MYH10: variants seen among roughly 807,000 people sequenced by gnomAD.
The protein encoded by MYH10 is myosin heavy chain 10, also known as myosin-10.
In MYH10, 55 loss-of-function variants were observed where a neutral mutation model predicts 257.8. That is an observed-to-expected ratio of 0.21 (90% CI 0.17 to 0.27). The LOEUF is 0.27. Among genes scored for constraint, MYH10 ranks in the 10% least tolerant of loss-of-function variants. MYH10 has a pLI of 1.00. For synonymous variants in MYH10, 854 were observed against 921.7 expected (o/e 0.93, Z 1.33); for missense variants, 1,631 against 2,500.6 (o/e 0.65, Z 7.42).
intron 36 of MYH10, among the ~76,000 whole-genome samples, chr17:8,486,309 G>C (rs1914761820): frequency 6.6e-6 from 1 of 152,050 alleles, no homozygotes; most frequent in South Asian, 2.1e-4. Flanking sequence ...CACTAAACTG[G>C]CGAATTGTGT....
chr17:8,548,519 A>T, intron 10 of MYH10, 111 bp from the exon 11 acceptor site: 1 of 1,417,662 alleles, frequency 7.1e-7, no homozygotes, highest in African/African-American at 1.4e-5. Flanking sequence ...TTTCAGTAAG[A>T]CATGTCTTTT....
At chr17:8,563,065 T>A (rs1228073962) in intron 7 of MYH10, among the ~76,000 whole-genome samples, 2 of 152,248 alleles carry the variant, frequency 1.3e-5, no homozygotes, top group African/African-American at 4.8e-5. Context: ...TAATTTGGCA[T>A]CTAAAGTTAT....
chr17:8,589,189 A>T, intron 3 of MYH10, 81 bp from the exon 4 acceptor site: 1 of 1,423,858 alleles, frequency 7.0e-7, no homozygotes, highest in Non-Finnish European at 9.8e-7. Context: ...ATAAAGTTGC[A>T]GTAATAGCCT....
At chr17:8,570,763 A>C (rs2152003342) in intron 6 of MYH10, among the ~76,000 whole-genome samples, 1 of 152,336 alleles carries the variant, frequency 6.6e-6, no homozygotes, top group Middle Eastern at 3.4e-3. Context: ...TGAGGCTTTT[A>C]AATTAGTGGC....
intron 21 of MYH10, 88 bp downstream of exon 21, chr17:8,518,543 C>T: frequency 7.2e-7 from 1 of 1,397,724 alleles, no homozygotes; most frequent in Non-Finnish European, 9.9e-7. Flanking sequence ...CTATGTCTCA[C>T]ACACTCTTGC....
At chr17:8,483,583 T>C (rs775765130) in intron 37 of MYH10, among the ~76,000 whole-genome samples, 27 of 152,282 alleles carry the variant, frequency 1.8e-4, no homozygotes, top group Non-Finnish European at 3.5e-4. Context: ...TGAAGAAATG[T>C]TGATTATCCA....
chr17:8,612,307 C>G (rs1354535536), intron 2 of MYH10, among the ~76,000 whole-genome samples: 1 of 152,140 alleles, frequency 6.6e-6, no homozygotes, highest in African/African-American at 2.4e-5. Flanking sequence ...GGTAAGTTTT[C>G]AACTTAATAA....
At chr17:8,561,804 C>G (rs117112979) in intron 7 of MYH10, among the ~76,000 whole-genome samples, 4 of 152,040 alleles carry the variant, frequency 2.6e-5, no homozygotes, top group Non-Finnish European at 5.9e-5. Context: ...GTCCTTTTCA[C>G]ACCTAGGGTC....
rs561461585 is a variant in MYH10, at chr17:8,497,798, C to T, written c.3951+1472G>A. Reference sequence around the variant, plus strand: ...AAAAAACCCCTGCATGTGCACTGACCATGTACAGTTCATGACTTTTTTGGG... The same window carrying T: ...AAAAAACCCCTGCATGTGCACTGACTATGTACAGTTCATGACTTTTTTGGG... On this transcript the variant is annotated intron_variant, in intron 30 of 42. Transcript: ENST00000360416. Among the ~76,000 whole-genome samples, 179 of 146,634 alleles carry T rather than the reference C, an allele frequency of 1.2e-3. 2 individuals carry two copies. The highest frequency in any genetic ancestry group is 4.1e-3 in the African/African-American group (162 of 39,700).
chr17:8,585,898 C>G (rs8068512), intron 4 of MYH10, among the ~76,000 whole-genome samples: 1,955 of 152,250 alleles, frequency 0.013, 34 homozygotes, highest in African/African-American at 0.045. Flanking sequence ...ACTTAGGGGA[C>G]AGTGTACTGA....
chr17:8,478,152 CCTG>C (rs1349800495), intron 41 of MYH10, among the ~76,000 whole-genome samples, 183 bp downstream of exon 41: 2 of 152,184 alleles, frequency 1.3e-5, no homozygotes, highest in African/African-American at 4.8e-5. Context: ...TGCTTCCTGA[CCTG>C]CTCTCCCCGC....
chr17:8,564,604 C>T (rs1171382746), intron 7 of MYH10, among the ~76,000 whole-genome samples: 1 of 152,190 alleles, frequency 6.6e-6, no homozygotes, highest in Non-Finnish European at 1.5e-5. Flanking sequence ...CTCTACAGGG[C>T]TAGGGAACCT....
Position 8,490,458 on chromosome 17 carries a change from G to A in MYH10, c.4766C>T (p.Thr1589Met), listed in dbSNP as rs533566907. The change falls in exon 35 of 43, where the codon ACG (threonine) becomes ATG (methionine). Residue 1589 changes from threonine to methionine, a missense_variant. Thr to Met is a moderately conservative substitution (Grantham distance 81, BLOSUM62 -1). Coordinates refer to ENST00000360416, the MANE Select transcript of MYH10 (RefSeq NM_001256012.3). This position sits in a 1 kb window ranked among gnomAD's most constrained non-coding sequence, Gnocchi z 4.1. The part of the protein sequence containing the change: ...LEELEDELQA[T>M]EDAKLRLEVN... ...CTCCAGACGAAGCTTGGCATCTTCC[G>A]TGGCCTGGAGTTCGTCTTCCAGCTC... The A allele has an allele frequency of 1.4e-5, 23 of 1,614,184 alleles. No individual in the cohort carries two copies. The highest frequency in any genetic ancestry group is 3.3e-5 in the South Asian group (3 of 91,084).
At position 8,480,436 on chromosome 17, in the gene MYH10, A is replaced by G; in HGVS notation, c.5354T>C (p.Leu1785Pro). Reference sequence around the variant, plus strand: ...GGTCTTGCGGAAGCGGTCGTTGAGCAGCTCCATGTTGCTCTGCTCCTCTTC... The same window carrying G: ...GGTCTTGCGGAAGCGGTCGTTGAGCGGCTCCATGTTGCTCTGCTCCTCTTC... ...ELEEEQSNME[L>P]LNDRFRKTTL... Residue 1785 changes from leucine (L) to proline (P), a missense_variant, in exon 39 of 43, where the codon CTG (leucine) becomes CCG (proline). Physicochemically the swap from Leu to Pro is moderately conservative, Grantham distance 98. Coordinates refer to ENST00000360416, the MANE Select transcript of MYH10 (RefSeq NM_001256012.3). 1 of 1,613,230 alleles carries G rather than the reference A, an allele frequency of 6.2e-7. No individual in the cohort carries two copies. The highest frequency in any genetic ancestry group is 8.5e-7 in the Non-Finnish European group (1 of 1,180,012).
At chr17:8,544,790 A>G (rs2082392252) in intron 13 of MYH10, among the ~76,000 whole-genome samples, 1 of 152,204 alleles carries the variant, frequency 6.6e-6, no homozygotes, top group African/African-American at 2.4e-5. Context: ...TGACTGTGAA[A>G]CTTTTCTGCA....
intron 25 of MYH10, among the ~76,000 whole-genome samples, 197 bp from the exon 26 acceptor site, chr17:8,508,874 C>T (rs1212170522): frequency 6.6e-6 from 1 of 152,170 alleles, no homozygotes; most frequent in Non-Finnish European, 1.5e-5. Flanking sequence ...ACAGTGGTCT[C>T]CTAAGATGAT....
chr17:8,608,868 T>A (rs1029524139), intron 2 of MYH10, among the ~76,000 whole-genome samples: 1 of 151,484 alleles, frequency 6.6e-6, no homozygotes, highest in African/African-American at 2.4e-5. Flanking sequence ...TGGAGTGCAG[T>A]GGCACGATCT....
chr17:8,565,231 A>T (rs1445928889), intron 7 of MYH10, among the ~76,000 whole-genome samples: 3 of 152,236 alleles, frequency 2.0e-5, no homozygotes, highest in Non-Finnish European at 4.4e-5. Context: ...CTGGCAAATA[A>T]TAGGTGCTTA....
At position 8,478,329 on chromosome 17, in the gene MYH10, C is replaced by T; in HGVS notation, c.5706+9G>A. 3.7e-6 allele frequency: 6 copies of T among 1,612,916 alleles called. No homozygotes were observed. Among genetic ancestry groups the T allele is most frequent in the Non-Finnish European group, 5.1e-6 (6 of 1,179,038 alleles). ...CACGCGCTTCCCAGGGAGGCACTTC[C>T]TCGCGTACCTGCTCTTTATACTGGT... On this transcript the variant is annotated intron_variant, in intron 41 of 42. Transcript: ENST00000360416.
Sources: gnomAD v4.1 joint callset for allele counts (sites outside exome capture counted in the v4.1 genomes callset) on GRCh38, gnomAD v4.1.1 for gene constraint, Gnocchi (gnomAD v3.1) non-coding constraint, MANE v1.5 for transcripts, NCBI Gene and HGNC (gene_info 2026-07-23, HGNC 2026-07-21) for gene names.